Variants in SUPT5H observed in about 807,000 individuals in gnomAD.
SUPT5H encodes SPT5 homolog, DSIF elongation factor subunit, also known as transcription elongation factor SPT5.
In SUPT5H, 24 loss-of-function variants were observed where a neutral mutation model predicts 142.5. That is an observed-to-expected ratio of 0.17 (90% CI 0.12 to 0.24). The LOEUF is 0.24. SUPT5H is among the 10% of genes least tolerant of loss of function. The pLI is 1.00. For missense variants in SUPT5H, 893 were observed against 1,471.8 expected (o/e 0.61, Z 6.43); for synonymous variants, 546 against 553.0 (o/e 0.99, Z 0.18).
Position 39,471,726 on chromosome 19 carries a change from C to A in SUPT5H, c.1946C>A (p.Ser649Ter). The change falls in exon 20 of 30, where the codon TCA (serine) becomes TAA (stop). Residue 649 changes from serine to a stop codon, truncating the protein, a stop_gained. Transcript: ENST00000432763. LOFTEE classifies it high-confidence loss of function. ...KTRHLVLAGG[S>*]KPRDVTNFTV... is the part of the protein sequence containing the mutation. ...CGCCACCTGGTGCTGGCTGGGGGCTCAAAGGTGAGGTGGGCATGGCAGGAC... is the reference window on the plus strand; with the variant it reads ...CGCCACCTGGTGCTGGCTGGGGGCTAAAAGGTGAGGTGGGCATGGCAGGAC... 6.2e-7 allele frequency: 1 copy of A among 1,613,532 alleles called. No individual in the cohort carries two copies. The highest frequency in any genetic ancestry group is 8.5e-7 in the Non-Finnish European group (1 of 1,179,762).
At chr19:39,467,669 C>T (rs2079261142) in intron 13 of SUPT5H, 1 of 152,246 alleles carries the variant, frequency 6.6e-6, no homozygotes. Context: ...ATTTCAACAT[C>T]CCAGGGCCAA....
Position 39,458,490 on chromosome 19 carries a change from G to A in SUPT5H, c.319+185G>A, listed in dbSNP as rs1310235466. The A allele has an allele frequency of 2.7e-6, 3 of 1,093,966 alleles. No individual in the cohort carries two copies. Among genetic ancestry groups the A allele is most frequent in the Non-Finnish European group, 3.9e-6 (3 of 761,100 alleles). 67.8% of individuals were successfully genotyped at this position (1,093,966 alleles called of 1,614,324 possible). ...CAGGTATACCCCAGTTGTTGACCTGGGAAAGCACGGATGTGTCTGTCTGGG... is the reference window on the plus strand; with the variant it reads ...CAGGTATACCCCAGTTGTTGACCTGAGAAAGCACGGATGTGTCTGTCTGGG... On this transcript the variant is annotated intron_variant, in intron 5 of 29. Transcript: ENST00000432763. The surrounding 1 kb of genome is among the most constrained non-coding windows in gnomAD (Gnocchi z 4.2).
rs2051422495 is a variant in SUPT5H, at chr19:39,472,272, T to C, written c.1951-137T>C. 3.9e-6 allele frequency: 3 copies of C among 775,256 alleles called. No individual in the cohort carries two copies. Among genetic ancestry groups the C allele is most frequent in the Non-Finnish European group, 6.6e-6 (3 of 455,086 alleles). The allele number at this position is 775,256 out of a possible 1,614,324, so 48.0% of individuals were successfully genotyped here. On this transcript the variant is annotated intron_variant, in intron 20 of 29. Transcript: ENST00000432763. This position sits in a 1 kb window ranked among gnomAD's most constrained non-coding sequence, Gnocchi z 4.2. ...TTGTAGGAAAGTGTGCAGGACCAGC[T>C]GTCACAGAGGAATTCAGGCCTGGGG...
Position 39,458,234 on chromosome 19 carries a change from A to AC in SUPT5H, c.308-58dup. 5 of 279,850 alleles carry AC rather than the reference A, an allele frequency of 1.8e-5. No individual in the cohort carries two copies. Among genetic ancestry groups the AC allele is most frequent in the Non-Finnish European group, 1.7e-5 (4 of 240,304 alleles). The allele number at this position is 279,850 out of a possible 1,614,324, so 17.3% of individuals were successfully genotyped here. ...GCTCATACTTTGTCTGCCCTCGCCC[A>AC]CCACCACCACCACCACCACCACCAC... On this transcript the variant is annotated intron_variant, in intron 4 of 29. Transcript: ENST00000432763. This position sits in a 1 kb window ranked among gnomAD's most constrained non-coding sequence, Gnocchi z 4.2.
intron 3 of SUPT5H, 111 bp from the exon 4 acceptor site, chr19:39,457,564 G>T: frequency 6.5e-7 from 1 of 1,539,702 alleles, no homozygotes. Context: ...TCAGTGTCCT[G>T]CTCTGTGCGG....
In SUPT5H at chr19:39,473,972, A is replaced by G; in HGVS notation, c.2502A>G (p.Glu834=). 6.2e-7 allele frequency: 1 copy of G among 1,613,882 alleles called. No homozygotes were observed. The highest frequency in any genetic ancestry group is 8.5e-7 in the Non-Finnish European group (1 of 1,179,962). Residue 834 remains glutamate (E), a synonymous_variant, in exon 26 of 30, where the codon GAA becomes GAG. Transcript: ENST00000432763. The surrounding 1 kb of genome is among the most constrained non-coding windows in gnomAD (Gnocchi z 5.8). ...ACTTTTCTCCCAACAGGGCTGAGGA[A>G]GAATATGAGTATGCTTTCGATGATG... ...NNPNTPSRAE[E]EYEYAFDDEP... is the part of the protein sequence containing the mutation.
intron 28 of SUPT5H, chr19:39,475,758 G>A: frequency 3.0e-6 from 1 of 331,684 alleles, no homozygotes; most frequent in South Asian, 3.6e-5. Flanking sequence ...CAGACCATGG[G>A]GCGGTCCCTG....
At position 39,458,231 on chromosome 19, in the gene SUPT5H, C is replaced by T; in HGVS notation, c.308-63C>T. The T allele has an allele frequency of 7.3e-7, 1 of 1,364,016 alleles. No individual in the cohort carries two copies. The allele number at this position is 1,364,016 out of a possible 1,614,324, so 84.5% of individuals were successfully genotyped here. The stretch of plus-strand genomic sequence containing the variant: ...TTGGCTCATACTTTGTCTGCCCTCG[C>T]CCACCACCACCACCACCACCACCAC... On this transcript the variant is annotated intron_variant, in intron 4 of 29. Transcript: ENST00000432763. The surrounding 1 kb of genome is among the most constrained non-coding windows in gnomAD (Gnocchi z 4.2).
chr19:39,474,826 G>A lies in SUPT5H; in HGVS notation c.3024+108G>A. ...GTGACAGCCCAGAGTGGGCAGAGCT[G>A]GGATTGAGGAAGCCTAGAGGGCAAG... On this transcript the variant is annotated intron_variant, in intron 28 of 29. Transcript: ENST00000432763. This position sits in a 1 kb window ranked among gnomAD's most constrained non-coding sequence, Gnocchi z 6.5. 1 of 1,275,178 alleles carries A rather than the reference G, an allele frequency of 7.8e-7. No individual in the cohort carries two copies. Among genetic ancestry groups the A allele is most frequent in the Non-Finnish European group, 1.1e-6 (1 of 915,700 alleles). 79.0% of individuals were successfully genotyped at this position (1,275,178 alleles called of 1,614,324 possible).
chr19:39,473,444 G>A lies in SUPT5H; in HGVS notation c.2415G>A (p.Gln805=). The change falls in exon 25 of 30, where the codon CAG becomes CAA. Residue 805 remains glutamine, a synonymous_variant. Transcript: ENST00000432763. This position sits in a 1 kb window ranked among gnomAD's most constrained non-coding sequence, Gnocchi z 5.8. ...GCCGCACCCCACACTACGGCTCACAGACGCCCCTGCATGATGGCAGCCGCA... is the reference window on the plus strand; with the variant it reads ...GCCGCACCCCACACTACGGCTCACAAACGCCCCTGCATGATGGCAGCCGCA... ...DGSRTPHYGS[Q]TPLHDGSRTP... 1 of 1,613,404 alleles carries A rather than the reference G, an allele frequency of 6.2e-7. No homozygotes were observed.
chr19:39,447,448 A>G (rs1600690115), intron 2 of SUPT5H, among the ~76,000 whole-genome samples: 1 of 105,394 alleles, frequency 9.5e-6, no homozygotes, highest in Non-Finnish European at 1.9e-5. Flanking sequence ...ATTTGCCATT[A>G]TCTTTTTTTT....
At position 39,473,848 on chromosome 19, in the gene SUPT5H, G is replaced by A. The variant is rs1034060321; in HGVS notation, c.2493-115G>A. Reference sequence around the variant, plus strand: ...AATAACATCAGGAGTGCCTCTGGATGGGGCTCCCGTGAGAATGAAATTGCT... The same window carrying A: ...AATAACATCAGGAGTGCCTCTGGATAGGGCTCCCGTGAGAATGAAATTGCT... On this transcript the variant is annotated intron_variant, in intron 25 of 29. Transcript: ENST00000432763. The surrounding 1 kb of genome is among the most constrained non-coding windows in gnomAD (Gnocchi z 5.8). 1.4e-6 allele frequency: 2 copies of A among 1,405,488 alleles called. No individual in the cohort carries two copies. The highest frequency in any genetic ancestry group is 2.0e-6 in the Non-Finnish European group (2 of 1,000,864). 87.1% of individuals were successfully genotyped at this position (1,405,488 alleles called of 1,614,324 possible).
At chr19:39,467,229 A>T (rs1285043280) in intron 13 of SUPT5H, 1 of 152,490 alleles carries the variant, frequency 6.6e-6, no homozygotes, top group Non-Finnish European at 1.5e-5. Flanking sequence ...CTAAAAATAC[A>T]AAAATTAGCC....
Position 39,472,319 on chromosome 19 carries a change from C to T in SUPT5H, c.1951-90C>T, listed in dbSNP as rs2079331830. On this transcript the variant is annotated intron_variant, in intron 20 of 29. Coordinates refer to ENST00000432763, the MANE Select transcript of SUPT5H (RefSeq NM_001111020.3). This position sits in a 1 kb window ranked among gnomAD's most constrained non-coding sequence, Gnocchi z 4.2. ...GGGGTGTGGGTGGCTGGGTGGTCTC[C>T]TCAGGGCCCTGCACGTGGGATGATG... 2.3e-6 allele frequency: 3 copies of T among 1,329,918 alleles called. No homozygotes were observed. Among genetic ancestry groups the T allele is most frequent in the East Asian group, 2.3e-5 (1 of 43,322 alleles). 82.4% of individuals were successfully genotyped at this position (1,329,918 alleles called of 1,614,324 possible).
intron 13 of SUPT5H, chr19:39,468,429 C>CAGA: frequency 2.6e-6 from 1 of 387,020 alleles, no homozygotes; most frequent in South Asian, 2.8e-5. Flanking sequence ...GTACTGGGCA[C>CAGA]TATTCTTGGT....
Position 39,472,326 on chromosome 19 carries a change from C to T in SUPT5H, c.1951-83C>T, listed in dbSNP as rs896631370. ...GGGTGGCTGGGTGGTCTCCTCAGGG[C>T]CCTGCACGTGGGATGATGAGTTCCT... is the stretch of plus-strand genomic sequence containing the variant. On this transcript the variant is annotated intron_variant, in intron 20 of 29. Transcript: ENST00000432763. The surrounding 1 kb of genome is among the most constrained non-coding windows in gnomAD (Gnocchi z 4.2). The T allele has an allele frequency of 7.3e-7, 1 of 1,370,378 alleles. No individual in the cohort carries two copies. The highest frequency in any genetic ancestry group is 1.4e-5 in the African/African-American group (1 of 70,230). 84.9% of individuals were successfully genotyped at this position (1,370,378 alleles called of 1,614,324 possible). A position where few individuals can be genotyped will look rare whatever the true frequency, so the allele number is the denominator to read the frequency against.
At chr19:39,463,096 G>C (rs371539231) in intron 10 of SUPT5H, among the ~76,000 whole-genome samples, 1 of 145,108 alleles carries the variant, frequency 6.9e-6, no homozygotes, top group Non-Finnish European at 1.5e-5. Context: ...GACCTCAGAT[G>C]ATCCACCCCT....
At chr19:39,462,069 G>A (rs531291822) in intron 10 of SUPT5H, among the ~76,000 whole-genome samples, 5 of 151,878 alleles carry the variant, frequency 3.3e-5, no homozygotes, top group East Asian at 1.9e-4. Flanking sequence ...CACCATGCCC[G>A]GCTGATTTTT....
Position 39,458,861 on chromosome 19 carries a change from G to C in SUPT5H, c.363G>C (p.Gly121=). The C allele has an allele frequency of 6.2e-7, 1 of 1,613,706 alleles. No homozygotes were observed. Among genetic ancestry groups the C allele is most frequent in the Non-Finnish European group, 8.5e-7 (1 of 1,179,778 alleles). ...DNVVLDEDRS[G]ARRLQNLWRD... ...TTGTCCTGGATGAAGATCGTTCTGGGGCTCGCCGCCTGCAAAACCTCTGGA... is the reference window on the plus strand; with the variant it reads ...TTGTCCTGGATGAAGATCGTTCTGGCGCTCGCCGCCTGCAAAACCTCTGGA... The change falls in exon 6 of 30, where the codon GGG becomes GGC. Residue 121 remains glycine (G), a synonymous_variant. Transcript: ENST00000432763. The surrounding 1 kb of genome is among the most constrained non-coding windows in gnomAD (Gnocchi z 4.2).
Sources: allele counts gnomAD v4.1 joint callset (sites outside exome capture counted in the v4.1 genomes callset), GRCh38; gene constraint gnomAD v4.1.1; non-coding constraint Gnocchi (gnomAD v3.1); transcripts MANE v1.5; gene names NCBI Gene and HGNC (gene_info 2026-07-23, HGNC 2026-07-21).